The following MGAT4D variants were observed in gnomAD, a reference collection of about 807,000 sequenced individuals.
MGAT4D encodes MGAT4 family member D.
Under a neutral mutation model 15.9 loss-of-function variants are expected in MGAT4D, and 34 were observed. That is an observed-to-expected ratio of 2.14 (90% CI 1.62 to 2.84). The LOEUF is 2.84. Ranked by LOEUF, MGAT4D falls within the 30% of genes most tolerant of loss-of-function variation. MGAT4D has a pLI of 0.00. For synonymous variants in MGAT4D, 112 were observed against 48.2 expected, an observed-to-expected ratio of 2.33 and a Z score of -5.49; for missense variants, 327 against 140.2, an observed-to-expected ratio of 2.33 and a Z score of -6.73.
chr4:140,479,204 A>G (rs1732532961), intron 3 of MGAT4D, among the ~76,000 whole-genome samples: 5 of 152,220 alleles, frequency 3.3e-5, no homozygotes. Flanking sequence ...ACAACGAGAA[A>G]AGATTTGCCA....
At chr4:140,494,362 T>C (rs1459093503) in intron 1 of MGAT4D, among the ~76,000 whole-genome samples, 1 of 152,242 alleles carries the variant, frequency 6.6e-6, no homozygotes, top group Non-Finnish European at 1.5e-5. Context: ...TTTGACACTA[T>C]TGCACGCTCC....
chr4:140,443,182 GTTC>G lies in MGAT4D; in HGVS notation c.*251_*253del, dbSNP rs1729880982. 2 of 211,612 alleles carry G rather than the reference GTTC, an allele frequency of 9.5e-6. No homozygotes were observed. Among genetic ancestry groups the G allele is most frequent in the Admixed American group, 5.9e-5 (1 of 16,954 alleles). 13.1% of individuals were successfully genotyped at this position (211,612 alleles called of 1,614,324 possible). ...TCACTATCGAAGTCAATAAAGTGCA[GTTC>G]TTAATTTAAAAAAAACTTCCTTGCC... On this transcript the variant is annotated 3_prime_UTR_variant, in exon 11 of 11. Transcript: ENST00000511113.
Position 140,451,432 on chromosome 4 carries a change from G to T in MGAT4D, c.1094C>A (p.Pro365His). 3.3e-6 allele frequency: 2 copies of T among 607,440 alleles called. No individual in the cohort carries two copies. The highest frequency in any genetic ancestry group is 2.0e-5 in the South Asian group (1 of 49,010). The allele number at this position is 607,440 out of a possible 1,614,324, so 37.6% of individuals were successfully genotyped here. The change falls in exon 10 of 11, where the codon CCT becomes CAT. Residue 365 changes from proline (P) to histidine (H), a missense_variant. By Grantham distance (77) the Pro-to-His change is moderately conservative (BLOSUM62 -2). Transcript: ENST00000511113. ...TACTTTTTCATATTGTTCTTTTCTAGGGAATGATGAATGTATACCCACATG... is the reference window on the plus strand; with the variant it reads ...TACTTTTTCATATTGTTCTTTTCTATGGAATGATGAATGTATACCCACATG... ...FQHVGIHSSF[P>H]RKEQYEKKI
intron 2 of MGAT4D, among the ~76,000 whole-genome samples, chr4:140,481,257 T>C (rs939441624): frequency 6.6e-6 from 1 of 152,066 alleles, no homozygotes; most frequent in Non-Finnish European, 1.5e-5. Flanking sequence ...GTGAGCCAGA[T>C]TGCACCATTG....
At chr4:140,480,791 T>C (rs2126820192) in intron 2 of MGAT4D, among the ~76,000 whole-genome samples, 1 of 138,632 alleles carries the variant, frequency 7.2e-6, no homozygotes, top group Non-Finnish European at 1.6e-5. Flanking sequence ...ACACACGCAG[T>C]GGGGCATAGT....
intron 9 of MGAT4D, among the ~76,000 whole-genome samples, chr4:140,455,556 TTAAATGTCAATTAAATCCAGTTGGCAGA>T (rs1230408834): frequency 6.6e-6 from 1 of 152,204 alleles, no homozygotes; most frequent in East Asian, 1.9e-4. Flanking sequence ...GTAGTGGTTT[TTAAATGTCAATTAAATCCAGTTGGCAGA>T]TGGTGTTGTT....
intron 9 of MGAT4D, among the ~76,000 whole-genome samples, chr4:140,455,610 C>T (rs1405821782): frequency 6.6e-6 from 1 of 152,056 alleles, no homozygotes; most frequent in African/African-American, 2.4e-5. Context: ...CTTTTGTCTC[C>T]TTGCTGGGTT....
intron 1 of MGAT4D, among the ~76,000 whole-genome samples, chr4:140,483,135 A>G (rs1560795431): frequency 6.6e-6 from 1 of 152,180 alleles, no homozygotes; most frequent in Non-Finnish European, 1.5e-5. Flanking sequence ...TGCATACATA[A>G]AAATCTCTGC....
chr4:140,487,063 T>C (rs548856976), intron 1 of MGAT4D, among the ~76,000 whole-genome samples: 1 of 152,350 alleles, frequency 6.6e-6, no homozygotes, highest in African/African-American at 2.4e-5. Context: ...GGAAGCAGTA[T>C]TTACAGCAAC....
At chr4:140,485,850 C>CAAAAAAAAAAAAAAAA (rs1578712314) in intron 1 of MGAT4D, among the ~76,000 whole-genome samples, 12 of 41,932 alleles carry the variant, frequency 2.9e-4, no homozygotes, top group East Asian at 6.1e-4. Flanking sequence ...AAAAAAAAAG[C>CAAAAAAAAAAAAAAAA]AATGATGATA....
At chr4:140,497,824 G>C (rs868208932) in intron 1 of MGAT4D, among the ~76,000 whole-genome samples, 1 of 152,230 alleles carries the variant, frequency 6.6e-6, no homozygotes, top group Non-Finnish European at 1.5e-5. Flanking sequence ...GTGCACAGAC[G>C]GGGTCCTTGA....
intron 1 of MGAT4D, among the ~76,000 whole-genome samples, chr4:140,485,610 C>T (rs527491195): frequency 6.7e-5 from 10 of 149,178 alleles, no homozygotes; most frequent in South Asian, 4.3e-4. Flanking sequence ...AACTGCATAA[C>T]GCAGCAATCC....
At chr4:140,464,549 C>T (rs1422467918) in intron 6 of MGAT4D, among the ~76,000 whole-genome samples, 2 of 152,204 alleles carry the variant, frequency 1.3e-5, no homozygotes, top group Non-Finnish European at 2.9e-5. Context: ...TCTCCCCCTC[C>T]TCATTATTAT....
intron 10 of MGAT4D, among the ~76,000 whole-genome samples, chr4:140,444,032 T>C (rs1420121797): frequency 4.6e-5 from 7 of 152,248 alleles, no homozygotes; most frequent in African/African-American, 1.7e-4. Context: ...TTTTGAGAAA[T>C]ATCTTTTCCC....
chr4:140,446,750 T>G (rs1270169698), intron 10 of MGAT4D, among the ~76,000 whole-genome samples: 3 of 77,678 alleles, frequency 3.9e-5, no homozygotes, highest in Non-Finnish European at 7.5e-5. Flanking sequence ...CTAGTTTTTT[T>G]TTTTTTTTTT....
intron 8 of MGAT4D, chr4:140,459,173 A>C (rs555617818): frequency 6.4e-6 from 1 of 155,316 alleles, no homozygotes; most frequent in African/African-American, 2.4e-5. Flanking sequence ...TCTGAGTTTC[A>C]GTATTCTTGT....
At chr4:140,485,553 A>C (rs1405671943) in intron 1 of MGAT4D, among the ~76,000 whole-genome samples, 1 of 151,854 alleles carries the variant, frequency 6.6e-6, no homozygotes, top group Non-Finnish European at 1.5e-5. Context: ...AAAGTATAAT[A>C]ATAATTAAAA....
intron 1 of MGAT4D, among the ~76,000 whole-genome samples, chr4:140,488,192 G>T (rs1378078429): frequency 6.6e-6 from 1 of 152,110 alleles, no homozygotes; most frequent in South Asian, 2.1e-4. Context: ...GTGCTTACTT[G>T]CCCTGGTCTA....
intron 1 of MGAT4D, among the ~76,000 whole-genome samples, chr4:140,484,032 G>A (rs1293748405): frequency 1.3e-5 from 2 of 152,062 alleles, no homozygotes; most frequent in Admixed American, 6.6e-5. Flanking sequence ...AGTTAAACAA[G>A]CTTATGTACA....
Sources: gnomAD v4.1 joint callset for allele counts (sites outside exome capture counted in the v4.1 genomes callset) on GRCh38, gnomAD v4.1.1 for gene constraint, MANE v1.5 for transcripts, NCBI Gene and HGNC (gene_info 2026-07-23, HGNC 2026-07-21) for gene names.